CACNB2: variants seen among roughly 807,000 people sequenced by gnomAD.
CACNB2 encodes voltage-dependent L-type calcium channel subunit beta-2.
CACNB2 carries 42 observed loss-of-function variants against 73.3 expected under a neutral mutation model. That is an observed-to-expected ratio of 0.57 (90% CI 0.45 to 0.74). The LOEUF (loss-of-function observed/expected upper bound fraction) is 0.74, where lower values mean the gene tolerates loss of function less well. Among genes scored for constraint, CACNB2 ranks in the 30% least tolerant of loss-of-function variants. The pLI is 0.00. For synonymous variants in CACNB2, 348 were observed against 310.3 expected (o/e 1.12, Z -1.28); for missense variants, 940 against 853.0 (o/e 1.10, Z -1.27).
At chr10:18,439,523 C>G (rs1354535590) in intron 3 of CACNB2, among the ~76,000 whole-genome samples, 1 of 152,148 alleles carries the variant, frequency 6.6e-6, no homozygotes, top group East Asian at 1.9e-4. Flanking sequence ...CTTCTGATCC[C>G]CTTCAAGGTA....
chr10:18,354,623 G>A (rs957299277), intron 2 of CACNB2, among the ~76,000 whole-genome samples: 5 of 152,234 alleles, frequency 3.3e-5, no homozygotes, highest in Admixed American at 6.5e-5. Flanking sequence ...TTGCTTGTAT[G>A]TTTGTTTCTC....
intron 3 of CACNB2, among the ~76,000 whole-genome samples, chr10:18,435,567 T>A (rs2046091507): frequency 6.6e-6 from 1 of 152,072 alleles, no homozygotes; most frequent in African/African-American, 2.4e-5. Context: ...GGGGTGAACA[T>A]AGCTCACTGC....
chr10:18,404,812 G>A lies in CACNB2; in HGVS notation c.333+2769G>A, dbSNP rs1167858379. Among the ~76,000 whole-genome samples the A allele has an allele frequency of 8.5e-5, 13 of 152,158 alleles. No individual in the cohort carries two copies. In the South Asian group the frequency reaches 2.1e-3, roughly 24 times the overall value. The stretch of plus-strand genomic sequence containing the variant: ...AGTGACCTACAAAAGGTTATATAAC[G>A]AAGTACTCTGTGCTGTCAATAAACC... On this transcript the variant is annotated intron_variant, in intron 3 of 13. Transcript: ENST00000324631.
chr10:18,296,884 CTAG>C (rs1263146421), intron 2 of CACNB2, among the ~76,000 whole-genome samples: 1 of 152,170 alleles, frequency 6.6e-6, no homozygotes, highest in African/African-American at 2.4e-5. Context: ...CCTGATTCTG[CTAG>C]TAGTTGTTGA....
chr10:18,159,775 T>A (rs1297026147), intron 2 of CACNB2, among the ~76,000 whole-genome samples: 1 of 152,234 alleles, frequency 6.6e-6, no homozygotes, highest in Non-Finnish European at 1.5e-5. Context: ...CTGATATGTT[T>A]AAGGTTGGAT....
chr10:18,293,441 A>G (rs911847966), intron 2 of CACNB2, among the ~76,000 whole-genome samples: 1 of 152,190 alleles, frequency 6.6e-6, no homozygotes, highest in Non-Finnish European at 1.5e-5. Context: ...TCAGAAGTAC[A>G]TCCCCTCCTT....
At chr10:18,208,754 T>C (rs2035199974) in intron 2 of CACNB2, among the ~76,000 whole-genome samples, 2 of 139,128 alleles carry the variant, frequency 1.4e-5, no homozygotes, top group African/African-American at 5.5e-5. Flanking sequence ...TCTGTAGTCA[T>C]CTCAGCTACT....
intron 3 of CACNB2, among the ~76,000 whole-genome samples, chr10:18,428,870 G>C (rs2045740226): frequency 6.6e-6 from 1 of 152,150 alleles, no homozygotes; most frequent in Non-Finnish European, 1.5e-5. Flanking sequence ...ATTTAAGGCT[G>C]ATAACTCCTA....
intron 3 of CACNB2, among the ~76,000 whole-genome samples, chr10:18,416,735 A>G (rs1462620003): frequency 6.6e-6 from 1 of 152,200 alleles, no homozygotes; most frequent in Non-Finnish European, 1.5e-5. Context: ...GTCAGCAAGC[A>G]GGAACTATAG....
chr10:18,503,407 G>A (rs976723826), intron 5 of CACNB2, among the ~76,000 whole-genome samples: 1 of 152,194 alleles, frequency 6.6e-6, no homozygotes, highest in African/African-American at 2.4e-5. Context: ...GACCAGCCTG[G>A]TCAATATGGT....
chr10:18,400,639 A>G (rs1397558249), intron 2 of CACNB2: 45 of 929,018 alleles, frequency 4.8e-5, no homozygotes, highest in Middle Eastern at 5.2e-4. Context: ...TTTTTGCACT[A>G]GTTTTTTTTT....
At chr10:18,210,263 A>G (rs907043783) in intron 2 of CACNB2, among the ~76,000 whole-genome samples, 3 of 152,232 alleles carry the variant, frequency 2.0e-5, no homozygotes, top group Non-Finnish European at 2.9e-5. Context: ...TGTGTGGAAG[A>G]GAAAACGCAG....
At chr10:18,270,616 C>T (rs2038011598) in intron 2 of CACNB2, among the ~76,000 whole-genome samples, 1 of 152,170 alleles carries the variant, frequency 6.6e-6, no homozygotes, top group Non-Finnish European at 1.5e-5. Flanking sequence ...CACCTTCATC[C>T]TCTGGAGTCC....
intron 3 of CACNB2, among the ~76,000 whole-genome samples, chr10:18,490,675 G>C (rs977123061): frequency 2.6e-5 from 4 of 152,176 alleles, no homozygotes; most frequent in Non-Finnish European, 4.4e-5. Context: ...AGAGCAGGAT[G>C]AATCTAAATC....
At chr10:18,326,076 T>A (rs2040580891) in intron 2 of CACNB2, among the ~76,000 whole-genome samples, 1 of 152,092 alleles carries the variant, frequency 6.6e-6, no homozygotes, top group Non-Finnish European at 1.5e-5. Context: ...ACGGTGTTAG[T>A]CCTATGCTAA....
At chr10:18,382,460 G>C (rs2043059465) in intron 2 of CACNB2, among the ~76,000 whole-genome samples, 2 of 152,024 alleles carry the variant, frequency 1.3e-5, no homozygotes, top group Admixed American at 1.3e-4. Context: ...TGCCATGGTG[G>C]TTTGCTGTAC....
At chr10:18,207,787 C>A (rs1355179179) in intron 2 of CACNB2, among the ~76,000 whole-genome samples, 2 of 152,138 alleles carry the variant, frequency 1.3e-5, no homozygotes, top group Middle Eastern at 3.4e-3. Context: ...TACTTAAGAA[C>A]CATTATTATT....
chr10:18,368,353 C>T (rs923832231), intron 2 of CACNB2, among the ~76,000 whole-genome samples: 1 of 152,128 alleles, frequency 6.6e-6, no homozygotes, highest in African/African-American at 2.4e-5. Context: ...TGACTCCATT[C>T]CAGTGTTCCC....
intron 2 of CACNB2, among the ~76,000 whole-genome samples, chr10:18,349,188 C>T (rs1440605564): frequency 1.3e-5 from 2 of 152,172 alleles, no homozygotes; most frequent in African/African-American, 4.8e-5. Flanking sequence ...ATTCACAGGA[C>T]ATTGCAGGAG....
Sources: gnomAD v4.1 joint callset for allele counts (sites outside exome capture counted in the v4.1 genomes callset) on GRCh38, gnomAD v4.1.1 for gene constraint, MANE v1.5 for transcripts, NCBI Gene and HGNC (gene_info 2026-07-23, HGNC 2026-07-21) for gene names.